FAM193A: variants seen among roughly 807,000 people sequenced by gnomAD.
FAM193A encodes the protein family with sequence similarity 193 member A, also known as protein FAM193A.
FAM193A carries 22 observed loss-of-function variants against 126.5 expected under a neutral mutation model. That is an observed-to-expected ratio of 0.17 (90% CI 0.12 to 0.25). The LOEUF is 0.25. Ranked by LOEUF, FAM193A falls within the 10% of genes least tolerant of loss-of-function variation. The pLI is 1.00. For missense variants in FAM193A, 1,675 were observed against 1,672.8 expected (o/e 1.00, Z -0.02); for synonymous variants, 761 against 646.8 (o/e 1.18, Z -2.68).
At chr4:2,627,024 A>G (rs1464510337) in intron 4 of FAM193A, among the ~76,000 whole-genome samples, 1 of 152,088 alleles carries the variant, frequency 6.6e-6, no homozygotes, top group Non-Finnish European at 1.5e-5. Context: ...TGAGGCCAAG[A>G]CAGCTGAGGC....
intron 2 of FAM193A, among the ~76,000 whole-genome samples, chr4:2,598,513 G>GT (rs1254177234): frequency 6.6e-6 from 1 of 152,226 alleles, no homozygotes; most frequent in East Asian, 1.9e-4. Flanking sequence ...CATGAAGGCT[G>GT]TCTGTAGGCC....
intron 1 of FAM193A, 43 bp from the exon 2 acceptor site, chr4:2,596,041 G>A: frequency 4.5e-6 from 3 of 672,700 alleles, no homozygotes; most frequent in Non-Finnish European, 8.1e-6. Context: ...TCTTGGCTTT[G>A]TAGATGAGGT....
chr4:2,659,843 A>G lies in FAM193A; in HGVS notation c.1534A>G (p.Ile512Val). The change falls in exon 10 of 21, where the codon ATC becomes GTC. Residue 512 changes from isoleucine (I) to valine (V), a missense_variant. This residue lies in a region of FAM193A where 1,186 missense variants were observed against 1,109.2 expected (regional missense o/e 1.07). Transcript: ENST00000637812. ...CACDDCSLSH[I>V]LTCGIMDPPV... Reference sequence around the variant, plus strand: ...TTGCGATGACTGCAGTCTCTCACACATCCTCACGTGTGGTATCATGGACCC... The same window carrying G: ...TTGCGATGACTGCAGTCTCTCACACGTCCTCACGTGTGGTATCATGGACCC... The G allele has an allele frequency of 3.7e-6, 6 of 1,614,018 alleles. No individual in the cohort carries two copies. Among genetic ancestry groups the G allele is most frequent in the Non-Finnish European group, 5.1e-6 (6 of 1,179,958 alleles).
At chr4:2,651,758 T>A (rs1407984259) in intron 7 of FAM193A, among the ~76,000 whole-genome samples, 1 of 152,214 alleles carries the variant, frequency 6.6e-6, no homozygotes, top group Non-Finnish European at 1.5e-5. Context: ...CCTCGCTGCC[T>A]GTCCTCAGGA....
Position 2,732,181 on chromosome 4 carries a change from C to A in FAM193A, c.*313C>A. The A allele has an allele frequency of 2.5e-6, 1 of 394,598 alleles. No homozygotes were observed. Among genetic ancestry groups the A allele is most frequent in the Non-Finnish European group, 4.8e-6 (1 of 209,118 alleles). The allele number at this position is 394,598 out of a possible 1,614,324, so 24.4% of individuals were successfully genotyped here. A position where few individuals can be genotyped will look rare whatever the true frequency, so the allele number is the denominator to read the frequency against. On this transcript the variant is annotated 3_prime_UTR_variant, in exon 21 of 21. Coordinates refer to ENST00000637812, the MANE Select transcript of FAM193A (RefSeq NM_001366318.2). ...GCCAGATAGGAGTTTGCATCATCCA[C>A]GTGGCTCCGTTGCCTCTGCATTGCG... is the stretch of plus-strand genomic sequence containing the variant.
intron 13 of FAM193A, among the ~76,000 whole-genome samples, chr4:2,680,269 A>T (rs1577193599): frequency 6.6e-6 from 1 of 151,986 alleles, no homozygotes; most frequent in South Asian, 2.1e-4. Flanking sequence ...GTTTCTAAAA[A>T]TTTTTTCATT....
chr4:2,702,630 A>G (rs1717860221), intron 19 of FAM193A, among the ~76,000 whole-genome samples: 1 of 152,170 alleles, frequency 6.6e-6, no homozygotes, highest in African/African-American at 2.4e-5. Context: ...CCTGTGCTAC[A>G]GTGAGCGTTC....
At chr4:2,566,679 C>T (rs1039658188) in intron 1 of FAM193A, among the ~76,000 whole-genome samples, 3 of 151,906 alleles carry the variant, frequency 2.0e-5, no homozygotes, top group Non-Finnish European at 2.9e-5. Context: ...CAGAGTGAGA[C>T]TCTGTCTCAA....
chr4:2,676,378 A>T (rs575537609), intron 13 of FAM193A, among the ~76,000 whole-genome samples: 1 of 152,318 alleles, frequency 6.6e-6, no homozygotes. Flanking sequence ...AAATGACCAC[A>T]GATACATTGT....
At chr4:2,617,457 G>C (rs1351660965) in intron 2 of FAM193A, among the ~76,000 whole-genome samples, 1 of 148,882 alleles carries the variant, frequency 6.7e-6, no homozygotes, top group African/African-American at 2.5e-5. Context: ...GTAGAGGCGG[G>C]GTTTCACCAT....
At chr4:2,595,874 C>T (rs914279281) in intron 1 of FAM193A, among the ~76,000 whole-genome samples, 1 of 152,134 alleles carries the variant, frequency 6.6e-6, no homozygotes. Context: ...TTTTCTAACT[C>T]GTACTAAGAT....
chr4:2,625,059 A>G lies in FAM193A; in HGVS notation c.502-203A>G, dbSNP rs1044497311. On this transcript the variant is annotated intron_variant, in intron 2 of 20. Transcript: ENST00000637812. ...TTTCTTGTAGCAGTGGTGTTTCACC[A>G]TGTTGCCCAGCGATCCACCCACCTC... 4.6e-5 allele frequency among the ~76,000 whole-genome samples: 7 copies of G among 152,160 alleles called. No homozygotes were observed. In the South Asian group the frequency reaches 6.2e-4, roughly 13 times the overall value.
At chr4:2,549,621 C>T (rs1375385752) in intron 1 of FAM193A, among the ~76,000 whole-genome samples, 1 of 151,540 alleles carries the variant, frequency 6.6e-6, no homozygotes, top group Non-Finnish European at 1.5e-5. Context: ...TGGTCTCGAT[C>T]TCCTGACCTC....
chr4:2,593,867 CTT>C (rs370535103), intron 1 of FAM193A, among the ~76,000 whole-genome samples: 21 of 140,516 alleles, frequency 1.5e-4, no homozygotes, highest in Admixed American at 1.4e-4. Context: ...ATCAGTGTGC[CTT>C]TTTTTTTTTT....
chr4:2,693,459 A>G, intron 15 of FAM193A, 127 bp from the exon 16 acceptor site: 1 of 889,050 alleles, frequency 1.1e-6, no homozygotes, highest in Non-Finnish European at 1.8e-6. Flanking sequence ...ATGACAGAAT[A>G]TTAGGTCGTG....
chr4:2,662,800 T>G (rs145961653), intron 10 of FAM193A, 38 bp from the exon 11 acceptor site: 2 of 1,559,646 alleles, frequency 1.3e-6, no homozygotes, highest in Non-Finnish European at 1.8e-6. Flanking sequence ...TCTTTCACAA[T>G]TGAATGACCT....
At chr4:2,556,994 A>G (rs909859464) in intron 1 of FAM193A, among the ~76,000 whole-genome samples, 16 of 152,206 alleles carry the variant, frequency 1.1e-4, no homozygotes, top group African/African-American at 3.4e-4. Context: ...GTCCCCCATT[A>G]CCTGCAGGGG....
chr4:2,573,173 A>C (rs1739390793), intron 1 of FAM193A, among the ~76,000 whole-genome samples: 1 of 150,910 alleles, frequency 6.6e-6, no homozygotes, highest in African/African-American at 2.4e-5. Flanking sequence ...AATGTGCTCT[A>C]CTCTCAGAGG....
intron 2 of FAM193A, among the ~76,000 whole-genome samples, chr4:2,599,003 G>T (rs1303543860): frequency 6.6e-6 from 1 of 152,174 alleles, no homozygotes; most frequent in African/African-American, 2.4e-5. Flanking sequence ...GACCGGCCCC[G>T]TGTCTTGTGC....
Sources: gnomAD v4.1 joint callset for allele counts (sites outside exome capture counted in the v4.1 genomes callset) on GRCh38, gnomAD v4.1.1 for gene constraint, gnomAD v4.1.1 regional missense constraint, MANE v1.5 for transcripts, NCBI Gene and HGNC (gene_info 2026-07-23, HGNC 2026-07-21) for gene names.